ROBO1: variants seen among roughly 807,000 people sequenced by gnomAD.
ROBO1 encodes roundabout homolog 1.
ROBO1 carries 149 observed loss-of-function variants against 195.9 expected under a neutral mutation model. That is an observed-to-expected ratio of 0.76 (90% CI 0.67 to 0.87). ROBO1 has a LOEUF of 0.87. Among genes scored for constraint, ROBO1 ranks in the 40% least tolerant of loss-of-function variants. ROBO1 has a pLI of 0.00. For synonymous variants in ROBO1, 816 were observed against 733.2 expected, an observed-to-expected ratio of 1.11 and a Z score of -1.82; for missense variants, 1,933 against 2,068.3, an observed-to-expected ratio of 0.93 and a Z score of 1.27.
chr3:78,704,795 T>C (rs898894213), intron 8 of ROBO1, among the ~76,000 whole-genome samples: 2 of 152,072 alleles, frequency 1.3e-5, no homozygotes, highest in Admixed American at 1.3e-4. Context: ...TGAGCCATGA[T>C]TGTGCCACTG....
At chr3:79,197,547 T>C (rs2081662528) in intron 2 of ROBO1, among the ~76,000 whole-genome samples, 1 of 152,114 alleles carries the variant, frequency 6.6e-6, no homozygotes, top group Non-Finnish European at 1.5e-5. Flanking sequence ...CCTTTGGATA[T>C]ATACCCAGTA....
In ROBO1 at chr3:78,728,657, T is replaced by G. The variant is rs2082219980; in HGVS notation, c.658-10774A>C. The stretch of plus-strand genomic sequence containing the variant: ...GACACCGGGGCAAGTACACACACAT[T>G]GTAAAGAAAATATGAGAATGATAAA... On this transcript the variant is annotated intron_variant, in intron 5 of 30. Transcript: ENST00000464233. 2.0e-5 allele frequency among the ~76,000 whole-genome samples: 3 copies of G among 152,114 alleles called. No homozygotes were observed. The South Asian group carries it at 6.2e-4, about 32-fold the overall frequency.
chr3:79,395,588 C>G (rs1035159704), intron 2 of ROBO1, among the ~76,000 whole-genome samples: 1 of 151,888 alleles, frequency 6.6e-6, no homozygotes, highest in African/African-American at 2.4e-5. Flanking sequence ...GTAAAAATTT[C>G]TAAAAATTGT....
intron 3 of ROBO1, among the ~76,000 whole-genome samples, chr3:79,068,336 T>A (rs2079035234): frequency 6.6e-6 from 1 of 151,860 alleles, no homozygotes; most frequent in Admixed American, 6.6e-5. Flanking sequence ...TGCAGAAACA[T>A]AGGGTTTTTA....
At chr3:78,641,211 A>G (rs1705928405) in intron 21 of ROBO1, among the ~76,000 whole-genome samples, 1 of 152,202 alleles carries the variant, frequency 6.6e-6, no homozygotes, top group South Asian at 2.1e-4. Context: ...TTTAAAGATG[A>G]GGAAATGGGA....
At chr3:79,376,560 A>G (rs761756234) in intron 2 of ROBO1, among the ~76,000 whole-genome samples, 8 of 152,136 alleles carry the variant, frequency 5.3e-5, no homozygotes, top group Non-Finnish European at 1.2e-4. Context: ...TTCTTGTGAT[A>G]GTGAGTAAGT....
intron 2 of ROBO1, among the ~76,000 whole-genome samples, chr3:79,586,797 G>A (rs1576074157): frequency 6.6e-6 from 1 of 151,764 alleles, no homozygotes; most frequent in Non-Finnish European, 1.5e-5. Flanking sequence ...AAAATGTAAA[G>A]ATTAGTATCT....
At chr3:79,052,753 C>A (rs1377406549) in intron 3 of ROBO1, among the ~76,000 whole-genome samples, 2 of 152,144 alleles carry the variant, frequency 1.3e-5, no homozygotes, top group African/African-American at 4.8e-5. Context: ...ACATCTGGCA[C>A]CCACATGGTC....
At chr3:79,395,343 A>AAAAAGAAG (rs2037118314) in intron 2 of ROBO1, among the ~76,000 whole-genome samples, 1 of 119,048 alleles carries the variant, frequency 8.4e-6, no homozygotes, top group East Asian at 2.6e-4. Flanking sequence ...AAAAAAAAAA[A>AAAAAGAAG]GAAAGAAAGA....
At chr3:78,724,961 T>C (rs1276992134) in intron 5 of ROBO1, among the ~76,000 whole-genome samples, 2 of 152,224 alleles carry the variant, frequency 1.3e-5, no homozygotes, top group African/African-American at 4.8e-5. Context: ...TATCAAAAAC[T>C]AGTTTGTGTA....
At chr3:79,463,238 G>A (rs928331541) in intron 2 of ROBO1, among the ~76,000 whole-genome samples, 1 of 152,106 alleles carries the variant, frequency 6.6e-6, no homozygotes, top group African/African-American at 2.4e-5. Context: ...AGCTGGGCGT[G>A]GTGGCGGGCG....
intron 5 of ROBO1, among the ~76,000 whole-genome samples, chr3:78,734,001 C>T (rs985767576): frequency 2.0e-5 from 3 of 152,170 alleles, no homozygotes; most frequent in Non-Finnish European, 4.4e-5. Flanking sequence ...CATTTTAATA[C>T]AGCACTTCTG....
At chr3:78,851,481 G>T (rs2034062023) in intron 4 of ROBO1, among the ~76,000 whole-genome samples, 1 of 152,154 alleles carries the variant, frequency 6.6e-6, no homozygotes, top group Non-Finnish European at 1.5e-5. Context: ...CCTCATCACA[G>T]AGTAGCTGTG....
chr3:79,133,744 G>T (rs1453336429), intron 2 of ROBO1, among the ~76,000 whole-genome samples: 2 of 121,836 alleles, frequency 1.6e-5, no homozygotes, highest in Admixed American at 1.8e-4. Flanking sequence ...CGTTCCTTTG[G>T]AGGAGGAGAG....
chr3:79,224,174 T>A (rs571346361), intron 2 of ROBO1, among the ~76,000 whole-genome samples: 2 of 152,058 alleles, frequency 1.3e-5, no homozygotes, highest in Admixed American at 1.3e-4. Flanking sequence ...GTCTTGAACA[T>A]TTTTATAACT....
rs1943946318 is a variant in ROBO1, at chr3:79,589,948, A to C, written c.-37T>G. The C allele has an allele frequency of 7.0e-7, 1 of 1,424,252 alleles. No homozygotes were observed. The highest frequency in any genetic ancestry group is 1.4e-5 in the African/African-American group (1 of 70,766). 88.2% of individuals were successfully genotyped at this position (1,424,252 alleles called of 1,614,324 possible). On this transcript the variant is annotated 5_prime_UTR_variant, in exon 2 of 31. Transcript: ENST00000464233. ...CCTTGCATTACAACCAGCCAGTGACAGACAATGTGTTATCTGGGGAGATTA... is the reference window on the plus strand; with the variant it reads ...CCTTGCATTACAACCAGCCAGTGACCGACAATGTGTTATCTGGGGAGATTA...
chr3:79,729,592 A>G (rs1017428400), intron 1 of ROBO1, among the ~76,000 whole-genome samples: 1 of 152,212 alleles, frequency 6.6e-6, no homozygotes, highest in Non-Finnish European at 1.5e-5. Flanking sequence ...GGTTATATCC[A>G]TCCAATTGCT....
chr3:79,125,875 G>A (rs927626299), intron 2 of ROBO1, among the ~76,000 whole-genome samples: 1 of 152,180 alleles, frequency 6.6e-6, no homozygotes, highest in Non-Finnish European at 1.5e-5. Context: ...AGGAGGGAGA[G>A]GGCAGGGTGG....
At chr3:78,614,167 A>G (rs1245633876) in intron 28 of ROBO1, among the ~76,000 whole-genome samples, 1 of 152,192 alleles carries the variant, frequency 6.6e-6, no homozygotes, top group African/African-American at 2.4e-5. Context: ...GAAGGCATGA[A>G]GAAAGGTGAT....
Sources: allele counts gnomAD v4.1 joint callset (sites outside exome capture counted in the v4.1 genomes callset), GRCh38; gene constraint gnomAD v4.1.1; transcripts MANE v1.5; gene names NCBI Gene and HGNC (gene_info 2026-07-23, HGNC 2026-07-21).